Variants in CDKAL1 observed in about 807,000 individuals in gnomAD.
CDKAL1 encodes CDKAL1 threonylcarbamoyladenosine tRNA methylthiotransferase.
In CDKAL1, 32 loss-of-function variants were observed where a neutral mutation model predicts 68.2. That is an observed-to-expected ratio of 0.47 (90% CI 0.35 to 0.63). The LOEUF (loss-of-function observed/expected upper bound fraction) is 0.63. Ranked by LOEUF, CDKAL1 falls within the 30% of genes least tolerant of loss-of-function variation. The pLI, the probability that CDKAL1 is intolerant of heterozygous loss-of-function variation, is 0.00. For missense variants in CDKAL1, 606 were observed against 696.7 expected (o/e 0.87, Z 1.47); for synonymous variants, 234 against 244.3 (o/e 0.96, Z 0.39).
Position 21,108,419 on chromosome 6 carries a change from G to T in CDKAL1, c.1255G>T (p.Asp419Tyr). The T allele has an allele frequency of 6.2e-7, 1 of 1,605,340 alleles. No homozygotes were observed. The highest frequency in any genetic ancestry group is 1.1e-5 in the South Asian group (1 of 88,786). The change falls in exon 13 of 16, where the codon GAT (aspartate) becomes TAT (tyrosine). Residue 419 changes from aspartate (D) to tyrosine (Y), a missense_variant. Coordinates refer to ENST00000274695, the MANE Select transcript of CDKAL1 (RefSeq NM_017774.3). Reference protein sequence around the residue: ...PAQVKKQRTKDLSRVFHSYSP... With the variant: ...PAQVKKQRTKYLSRVFHSYSP... ...TTCACAGAAAAAGCAAAGGACAAAA[G>T]ATCTTTCTCGGGTGTTTCATTCTTA...
intron 9 of CDKAL1, among the ~76,000 whole-genome samples, chr6:20,930,146 C>T (rs923170640): frequency 6.6e-6 from 1 of 151,980 alleles, no homozygotes; most frequent in Non-Finnish European, 1.5e-5. Flanking sequence ...TGAGCTAAAA[C>T]GCAGACTCAA....
intron 11 of CDKAL1, among the ~76,000 whole-genome samples, chr6:21,009,759 C>T (rs1241744127): frequency 1.3e-5 from 2 of 152,110 alleles, no homozygotes; most frequent in Admixed American, 1.3e-4. Flanking sequence ...AGACAAATAC[C>T]GCGTGTTCTC....
At chr6:20,566,361 G>A (rs533789383) in intron 4 of CDKAL1, among the ~76,000 whole-genome samples, 1 of 152,204 alleles carries the variant, frequency 6.6e-6, no homozygotes, top group Non-Finnish European at 1.5e-5. Context: ...GATCCTCTGT[G>A]TTGGTTGAAT....
chr6:20,798,692 T>C (rs1002109372), intron 8 of CDKAL1, among the ~76,000 whole-genome samples: 2 of 143,136 alleles, frequency 1.4e-5, no homozygotes, highest in African/African-American at 5.2e-5. Flanking sequence ...ATGTTCTCAC[T>C]CGTAGGTGGG....
intron 8 of CDKAL1, among the ~76,000 whole-genome samples, chr6:20,841,412 T>C (rs897991201): frequency 6.6e-6 from 1 of 152,200 alleles, no homozygotes; most frequent in African/African-American, 2.4e-5. Flanking sequence ...TTTCAGAACT[T>C]GTAATATCTA....
intron 9 of CDKAL1, among the ~76,000 whole-genome samples, chr6:20,954,813 T>C (rs1411879948): frequency 6.6e-6 from 1 of 152,226 alleles, no homozygotes. Context: ...AAACTGTCAG[T>C]AAACAGGTTT....
At chr6:20,893,254 A>T (rs546916485) in intron 9 of CDKAL1, among the ~76,000 whole-genome samples, 1 of 152,314 alleles carries the variant, frequency 6.6e-6, no homozygotes, top group South Asian at 2.1e-4. Flanking sequence ...GATTCATTCA[A>T]GTTGCTGCAC....
intron 4 of CDKAL1, among the ~76,000 whole-genome samples, chr6:20,562,085 A>G (rs1764288015): frequency 6.6e-6 from 1 of 152,192 alleles, no homozygotes; most frequent in Non-Finnish European, 1.5e-5. Context: ...TGTTCCTTCA[A>G]ACTTAATACA....
chr6:21,160,518 G>A (rs548884738), intron 13 of CDKAL1, among the ~76,000 whole-genome samples: 11 of 149,692 alleles, frequency 7.3e-5, no homozygotes, highest in South Asian at 2.1e-4. Flanking sequence ...GGCTGGTCTC[G>A]AACTTCTGAC....
chr6:20,933,717 CT>C (rs1763573545), intron 9 of CDKAL1, among the ~76,000 whole-genome samples: 1 of 152,166 alleles, frequency 6.6e-6, no homozygotes, highest in Non-Finnish European at 1.5e-5. Flanking sequence ...TTACACCGTC[CT>C]TATTTTCTTT....
intron 9 of CDKAL1, among the ~76,000 whole-genome samples, chr6:20,885,736 G>A (rs1260876749): frequency 2.0e-5 from 3 of 152,062 alleles, no homozygotes; most frequent in East Asian, 1.9e-4. Context: ...ACTGGGAGAC[G>A]ATATTTACAA....
intron 15 of CDKAL1, among the ~76,000 whole-genome samples, chr6:21,226,286 T>G (rs1254430039): frequency 1.1e-4 from 3 of 26,704 alleles, no homozygotes; most frequent in Non-Finnish European, 2.0e-4. Context: ...ACATGAAAGT[T>G]TTTTTTTTTT....
At chr6:21,141,649 A>G (rs143288449) in intron 13 of CDKAL1, among the ~76,000 whole-genome samples, 164 of 152,344 alleles carry the variant, frequency 1.1e-3, no homozygotes, top group African/African-American at 2.9e-3. Context: ...CTTGGCATGA[A>G]GCAACACTGG....
At chr6:20,772,543 C>A (rs1774991384) in intron 7 of CDKAL1, among the ~76,000 whole-genome samples, 1 of 152,164 alleles carries the variant, frequency 6.6e-6, no homozygotes, top group Non-Finnish European at 1.5e-5. Context: ...CTCCATTAGA[C>A]TAAAAGGACA....
At chr6:20,624,550 A>G in intron 4 of CDKAL1, among the ~76,000 whole-genome samples, 1 of 151,902 alleles carries the variant, frequency 6.6e-6, no homozygotes. Flanking sequence ...CTTCACCTTA[A>G]TGTTCTTAAC....
At chr6:20,905,482 A>G (rs550166141) in intron 9 of CDKAL1, among the ~76,000 whole-genome samples, 1 of 152,332 alleles carries the variant, frequency 6.6e-6, no homozygotes, top group South Asian at 2.1e-4. Flanking sequence ...CAACATGTGC[A>G]TTGTGGAAAT....
At chr6:20,732,236 CTTTT>C (rs1772969359) in intron 5 of CDKAL1, among the ~76,000 whole-genome samples, 1 of 129,502 alleles carries the variant, frequency 7.7e-6, no homozygotes, top group Non-Finnish European at 1.7e-5. Context: ...TTTTCCTTTT[CTTTT>C]TTTCTTTTTC....
intron 9 of CDKAL1, among the ~76,000 whole-genome samples, chr6:20,937,400 A>G (rs1051563106): frequency 1.2e-4 from 19 of 152,316 alleles, no homozygotes; most frequent in Non-Finnish European, 1.8e-4. Flanking sequence ...AAATGTTTCT[A>G]TTTTAACATG....
chr6:20,808,058 A>G (rs1347557186), intron 8 of CDKAL1, among the ~76,000 whole-genome samples: 1 of 152,224 alleles, frequency 6.6e-6, no homozygotes, highest in Non-Finnish European at 1.5e-5. Context: ...GTTGATTGCT[A>G]TCAGTATTTG....
Sources: allele counts gnomAD v4.1 joint callset (sites outside exome capture counted in the v4.1 genomes callset), GRCh38; gene constraint gnomAD v4.1.1; transcripts MANE v1.5; gene names NCBI Gene and HGNC (gene_info 2026-07-23, HGNC 2026-07-21).